Variants in NFIX observed in about 807,000 individuals in gnomAD.
NFIX encodes nuclear factor 1 X-type.
NFIX carries 2 observed loss-of-function variants against 53.3 expected under a neutral mutation model. The ratio of observed to expected loss-of-function variants is 0.04; its 90% confidence interval spans 0.02 to 0.12. The LOEUF is 0.12. Ranked by LOEUF, NFIX falls within the 10% of genes least tolerant of loss-of-function variation. The pLI, the probability that NFIX is intolerant of heterozygous loss-of-function variation, is 1.00. For missense variants in NFIX, 310 were observed against 674.5 expected (o/e 0.46, Z 5.99); for synonymous variants, 244 against 289.0 (o/e 0.84, Z 1.58).
intron 2 of NFIX, among the ~76,000 whole-genome samples, chr19:13,033,180 G>T (rs1568277145): frequency 6.6e-6 from 1 of 152,190 alleles, no homozygotes. Flanking sequence ...GGCCCTGCAG[G>T]CCGCCGTCGC....
rs950544807 is a variant in NFIX, at chr19:13,051,487, CCT to C, written c.560-21559_560-21558del. On this transcript the variant is annotated intron_variant, in intron 2 of 10. Coordinates refer to ENST00000592199, the MANE Select transcript of NFIX (RefSeq NM_001365902.3). This position sits in a 1 kb window ranked among gnomAD's most constrained non-coding sequence, Gnocchi z 5.1. ...CTGCTTTTCTTCTCGCTGGTTCTCC[CCT>C]GTCCTTCTCTAGCTGGGATTCCAGC... 6.6e-5 allele frequency among the ~76,000 whole-genome samples: 10 copies of C among 152,190 alleles called. No individual in the cohort carries two copies. The highest frequency in any genetic ancestry group is 5.9e-4 in the Admixed American group (9 of 15,290).
rs1417273149 is a variant in NFIX at position 13,067,089 on chromosome 19, T to C, written c.560-5958T>C. On this transcript the variant is annotated intron_variant, in intron 2 of 10. Coordinates refer to ENST00000592199, the MANE Select transcript of NFIX (RefSeq NM_001365902.3). The surrounding 1 kb of genome is among the most constrained non-coding windows in gnomAD (Gnocchi z 4.2). Reference sequence around the variant, plus strand: ...TACAGGCAGGGCCTCTGGCTCCCCTTGAGATTGGGTTTCCTGTGCCCTGGA... The same window carrying C: ...TACAGGCAGGGCCTCTGGCTCCCCTCGAGATTGGGTTTCCTGTGCCCTGGA... Among the ~76,000 whole-genome samples the C allele has an allele frequency of 1.3e-5, 2 of 152,122 alleles. No individual in the cohort carries two copies. Among genetic ancestry groups the C allele is most frequent in the African/African-American group, 4.8e-5 (2 of 41,420 alleles).
In NFIX at chr19:13,027,484, T is replaced by C. The variant is rs2013460596; in HGVS notation, c.559+1932T>C. 6.6e-6 allele frequency among the ~76,000 whole-genome samples: 1 copy of C among 152,168 alleles called. No individual in the cohort carries two copies. The highest frequency in any genetic ancestry group is 2.4e-5 in the African/African-American group (1 of 41,432). On this transcript the variant is annotated intron_variant, in intron 2 of 10. Coordinates refer to ENST00000592199, the MANE Select transcript of NFIX (RefSeq NM_001365902.3). The surrounding 1 kb of genome is among the most constrained non-coding windows in gnomAD (Gnocchi z 4.3). ...TACCAGTGTGGCCATCAGATACTCC[T>C]GCACAAGGGGATTCTGCACCTTCCA...
chr19:13,077,393 G>A (rs2017174732), intron 6 of NFIX, among the ~76,000 whole-genome samples: 1 of 152,144 alleles, frequency 6.6e-6, no homozygotes, highest in African/African-American at 2.4e-5. Flanking sequence ...TTCATGGGCT[G>A]CAACAAATTG....
chr19:13,024,306 C>A (rs1340975045), intron 1 of NFIX, among the ~76,000 whole-genome samples: 2 of 152,174 alleles, frequency 1.3e-5, no homozygotes, highest in African/African-American at 4.8e-5. Flanking sequence ...TTCATTATTA[C>A]TGTGATTAAC....
At chr19:13,004,973 C>T (rs2011938229) in intron 1 of NFIX, among the ~76,000 whole-genome samples, 1 of 152,112 alleles carries the variant, frequency 6.6e-6, no homozygotes, top group African/African-American at 2.4e-5. Context: ...TGCACTATCA[C>T]ACCTGGCTAA....
rs1171566866 is a variant in NFIX, at chr19:13,066,998, G to T, written c.560-6049G>T. 1.3e-5 allele frequency among the ~76,000 whole-genome samples: 2 copies of T among 152,228 alleles called. No homozygotes were observed. Among genetic ancestry groups the T allele is most frequent in the East Asian group, 3.9e-4 (2 of 5,176 alleles). ...ATCTATCCACCGTTCCCCTCCTCAG[G>T]GTGTCTCAGATTCTCAGACTTCAGT... On this transcript the variant is annotated intron_variant, in intron 2 of 10. Transcript: ENST00000592199. This position sits in a 1 kb window ranked among gnomAD's most constrained non-coding sequence, Gnocchi z 4.2.
At chr19:13,016,174 ACT>A (rs2012655873) in intron 1 of NFIX, among the ~76,000 whole-genome samples, 1 of 152,058 alleles carries the variant, frequency 6.6e-6, no homozygotes, top group Non-Finnish European at 1.5e-5. Flanking sequence ...AAGAAGCCCC[ACT>A]CTCAAAGGTA....
intron 2 of NFIX, among the ~76,000 whole-genome samples, chr19:13,026,323 G>C (rs1170457963): frequency 6.6e-6 from 1 of 151,722 alleles, no homozygotes; most frequent in Non-Finnish European, 1.5e-5. Context: ...CGGGGCACAG[G>C]CATGGCAGGG....
intron 1 of NFIX, chr19:13,024,475 G>T: frequency 6.8e-7 from 1 of 1,474,706 alleles, no homozygotes; most frequent in Non-Finnish European, 9.0e-7. Flanking sequence ...TCGCTTGCTC[G>T]TGGATGTCAT....
intron 2 of NFIX, among the ~76,000 whole-genome samples, chr19:13,029,031 T>A (rs1291254056): frequency 6.6e-6 from 1 of 152,190 alleles, no homozygotes; most frequent in African/African-American, 2.4e-5. Flanking sequence ...TGCAGCGGAA[T>A]CCCCACGAAG....
Position 13,006,877 on chromosome 19 carries a change from C to T in NFIX, c.27+11013C>T, listed in dbSNP as rs903488906. On this transcript the variant is annotated intron_variant, in intron 1 of 10. Coordinates refer to ENST00000592199, the MANE Select transcript of NFIX (RefSeq NM_001365902.3). The surrounding 1 kb of genome is among the most constrained non-coding windows in gnomAD (Gnocchi z 5.6). ...GGTTTGGCGCCCTGCCTGCCTGCCACCCCCACCCCATGCCCGGGCAGAGCC... is the reference window on the plus strand; with the variant it reads ...GGTTTGGCGCCCTGCCTGCCTGCCATCCCCACCCCATGCCCGGGCAGAGCC... 2.0e-5 allele frequency among the ~76,000 whole-genome samples: 3 copies of T among 152,228 alleles called. No individual in the cohort carries two copies. The highest frequency in any genetic ancestry group is 2.9e-5 in the Non-Finnish European group (2 of 68,030).
Position 13,066,253 on chromosome 19 carries a change from G to A in NFIX, c.560-6794G>A. Reference sequence around the variant, plus strand: ...GCACCCGTAGAGGCCGGGATGTGTTGGAATGGAGAAAGTAGTTCTTCCTGG... The same window carrying A: ...GCACCCGTAGAGGCCGGGATGTGTTAGAATGGAGAAAGTAGTTCTTCCTGG... On this transcript the variant is annotated intron_variant, in intron 2 of 10. Coordinates refer to ENST00000592199, the MANE Select transcript of NFIX (RefSeq NM_001365902.3). This position sits in a 1 kb window ranked among gnomAD's most constrained non-coding sequence, Gnocchi z 4.2. 6.6e-6 allele frequency among the ~76,000 whole-genome samples: 1 copy of A among 152,150 alleles called. No homozygotes were observed. Among genetic ancestry groups the A allele is most frequent in the East Asian group, 1.9e-4 (1 of 5,196 alleles).
intron 8 of NFIX, among the ~76,000 whole-genome samples, chr19:13,085,429 C>T (rs540283958): frequency 4.6e-5 from 7 of 152,214 alleles, no homozygotes; most frequent in Non-Finnish European, 7.3e-5. Context: ...GGAGCCTGAG[C>T]TCGGGACACC....
rs1177836488 is a variant in NFIX at position 13,097,732 on chromosome 19, G to A, written c.*3083G>A. On this transcript the variant is annotated 3_prime_UTR_variant, in exon 11 of 11. Transcript: ENST00000592199. ...CTCCCTCCCTCCCTCTCCGCCCCGA[G>A]CGCCCTTCTTTGAGCCAGACGCCAA... 1 of 144,392 alleles carries A rather than the reference G, an allele frequency of 6.9e-6. No individual in the cohort carries two copies. Among genetic ancestry groups the A allele is most frequent in the East Asian group, 2.2e-4 (1 of 4,544 alleles). The allele number at this position is 144,392 out of a possible 1,614,324, so 8.9% of individuals were successfully genotyped here. A position where few individuals can be genotyped will look rare whatever the true frequency, so the allele number is the denominator to read the frequency against.
intron 1 of NFIX, among the ~76,000 whole-genome samples, chr19:12,999,298 G>C (rs549483601): frequency 6.6e-6 from 1 of 151,290 alleles, no homozygotes; most frequent in African/African-American, 2.4e-5. Context: ...TCAGCTTCCC[G>C]AGTAGCTGGG....
chr19:13,026,313 C>T (rs1018912873), intron 2 of NFIX, among the ~76,000 whole-genome samples: 3 of 150,754 alleles, frequency 2.0e-5, no homozygotes, highest in African/African-American at 4.9e-5. Flanking sequence ...GAGGCTTTCT[C>T]GGGGCACAGG....
chr19:13,013,417 G>A lies in NFIX; in HGVS notation c.28-11604G>A, dbSNP rs2012484102. On this transcript the variant is annotated intron_variant, in intron 1 of 10. Transcript: ENST00000592199. This position sits in a 1 kb window ranked among gnomAD's most constrained non-coding sequence, Gnocchi z 5.9. ...TCATAAACCCGACTTCTCATCACCC[G>A]AATTACTTAAATGAGCTTTGATGGT... Among the ~76,000 whole-genome samples, 2 of 152,188 alleles carry A rather than the reference G, an allele frequency of 1.3e-5. No individual in the cohort carries two copies. The highest frequency in any genetic ancestry group is 1.9e-4 in the East Asian group (1 of 5,158).
At position 13,095,128 on chromosome 19, in the gene NFIX, T is replaced by G. The variant is rs1209753907; in HGVS notation, c.*479T>G. The G allele has an allele frequency of 6.4e-6, 1 of 155,136 alleles. No individual in the cohort carries two copies. The highest frequency in any genetic ancestry group is 2.4e-5 in the African/African-American group (1 of 41,396). The allele number at this position is 155,136 out of a possible 1,614,324, so 9.6% of individuals were successfully genotyped here. On this transcript the variant is annotated 3_prime_UTR_variant, in exon 11 of 11. Coordinates refer to ENST00000592199, the MANE Select transcript of NFIX (RefSeq NM_001365902.3). ...CCCTAGGGAGCCTGGAGGGCCAGCT[T>G]GTAAAGATGATGGGGTTTAGATCCC... is the stretch of plus-strand genomic sequence containing the variant.
Sources: gnomAD v4.1 joint callset for allele counts (sites outside exome capture counted in the v4.1 genomes callset) on GRCh38, gnomAD v4.1.1 for gene constraint, Gnocchi (gnomAD v3.1) non-coding constraint, MANE v1.5 for transcripts, NCBI Gene and HGNC (gene_info 2026-07-23, HGNC 2026-07-21) for gene names.